Variants in TNR observed in about 807,000 individuals in gnomAD.
TNR encodes tenascin-R.
A neutral mutation model predicts 150.4 loss-of-function variants in TNR; 45 were observed. That is an observed-to-expected ratio of 0.30 (90% CI 0.24 to 0.38). The LOEUF is 0.38. Ranked by LOEUF, TNR falls within the 10% of genes least tolerant of loss-of-function variation. The probability of loss-of-function intolerance (pLI) is 1.00; values close to 1 mark genes in which losing one functional copy is unlikely to be tolerated. For missense variants in TNR, 1,544 were observed against 1,759.1 expected (o/e 0.88, Z 2.19); for synonymous variants, 687 against 678.4 (o/e 1.01, Z -0.20).
intron 1 of TNR, among the ~76,000 whole-genome samples, chr1:175,728,628 T>A (rs1667544074): frequency 6.6e-6 from 1 of 152,232 alleles, no homozygotes; most frequent in African/African-American, 2.4e-5. Flanking sequence ...CCACCTAACC[T>A]ATTAATTCAT....
intron 1 of TNR, among the ~76,000 whole-genome samples, chr1:175,664,681 G>C (rs183496589): frequency 9.2e-5 from 14 of 152,304 alleles, no homozygotes; most frequent in African/African-American, 2.2e-4. Context: ...CACAGGAGAG[G>C]TAAAAGATGT....
Position 175,647,435 on chromosome 1 carries a change from C to CAAAAAAAAAAAAAAAAAAAAAAA in TNR, c.-165+95790_-165+95791insTTTTTTTTTTTTTTTTTTTTTTT, listed in dbSNP as rs397745737. ...AAAATACGCTTGTTACTATTCGGTGCAAAAAAAAAAAAAACCTCATTGTCT... is the reference window on the plus strand; with the variant it reads ...AAAATACGCTTGTTACTATTCGGTGCAAAAAAAAAAAAAAAAAAAAAAAAAAAAAAAAAAAAACCTCATTGTCT... On this transcript the variant is annotated intron_variant, in intron 1 of 22. Transcript: ENST00000367674. Among the ~76,000 whole-genome samples, 64 of 121,644 alleles carry CAAAAAAAAAAAAAAAAAAAAAAA rather than the reference C, an allele frequency of 5.3e-4. 2 individuals are homozygous for CAAAAAAAAAAAAAAAAAAAAAAA. The highest frequency in any genetic ancestry group is 2.0e-3 in the African/African-American group (64 of 32,732). The allele number at this position is 121,644 out of a possible 152,430, so 79.8% of individuals were successfully genotyped here.
At chr1:175,657,883 A>ATATGTGTG (rs1464419575) in intron 1 of TNR, among the ~76,000 whole-genome samples, 34 of 101,096 alleles carry the variant, frequency 3.4e-4, no homozygotes, top group South Asian at 7.2e-4. Context: ...ATATATATAT[A>ATATGTGTG]TGTAACAAAC....
At chr1:175,375,517 T>C (rs1439475390) in intron 9 of TNR, among the ~76,000 whole-genome samples, 2 of 152,008 alleles carry the variant, frequency 1.3e-5, no homozygotes, top group Non-Finnish European at 2.9e-5. Context: ...GCCTGGACTC[T>C]GTGTGGCAGA....
At chr1:175,577,116 C>T (rs910021207) in intron 1 of TNR, among the ~76,000 whole-genome samples, 18 of 152,164 alleles carry the variant, frequency 1.2e-4, no homozygotes, top group African/African-American at 3.6e-4. Context: ...GTTCATGCAG[C>T]GGGGTAAGCA....
chr1:175,624,092 G>A (rs1019342382), intron 1 of TNR, among the ~76,000 whole-genome samples: 1 of 152,240 alleles, frequency 6.6e-6, no homozygotes. Flanking sequence ...CCTTCCCAGT[G>A]TATAGAATTC....
chr1:175,323,825 C>A (rs1265935214), intron 22 of TNR, among the ~76,000 whole-genome samples: 1 of 152,206 alleles, frequency 6.6e-6, no homozygotes. Flanking sequence ...TGACTGCTCA[C>A]TCCTAATGGG....
rs1040359021 is a variant in TNR at position 175,561,984 on chromosome 1, A to G, written c.-164-33615T>C. On this transcript the variant is annotated intron_variant, in intron 1 of 22. Transcript: ENST00000367674. ...CAAGCTCTTTCCCCTTTCTGAAGCA[A>G]ACTTCCAGCCGTGAAATATGAGAAA... Among the ~76,000 whole-genome samples, 12 of 152,264 alleles carry G rather than the reference A, an allele frequency of 7.9e-5. No homozygotes were observed. In the East Asian group the frequency reaches 1.4e-3, roughly 17 times the overall value.
intron 2 of TNR, among the ~76,000 whole-genome samples, chr1:175,495,991 G>T (rs140866891): frequency 6.6e-6 from 1 of 152,090 alleles, no homozygotes; most frequent in African/African-American, 2.4e-5. Context: ...ATTATACTGC[G>T]GGGAGAGCCT....
At chr1:175,644,905 GTTCT>G (rs1664765479) in intron 1 of TNR, among the ~76,000 whole-genome samples, 1 of 151,044 alleles carries the variant, frequency 6.6e-6, no homozygotes, top group Admixed American at 6.6e-5. Context: ...TGTGAAAACT[GTTCT>G]TTCTCTCACT....
At chr1:175,332,092 A>G (rs1015515311) in intron 20 of TNR, among the ~76,000 whole-genome samples, 1 of 152,218 alleles carries the variant, frequency 6.6e-6, no homozygotes, top group Non-Finnish European at 1.5e-5. Flanking sequence ...CCAGGCTGCT[A>G]CAAGTGTTGG....
chr1:175,584,422 C>T (rs1347743556), intron 1 of TNR, among the ~76,000 whole-genome samples: 1 of 152,176 alleles, frequency 6.6e-6, no homozygotes, highest in Admixed American at 6.5e-5. Flanking sequence ...CATGGGCCTG[C>T]TGACACCCTG....
In TNR at chr1:175,365,212, A is replaced by G; in HGVS notation, c.2385T>C (p.Ser795=). Residue 795 remains serine, a synonymous_variant, in exon 12 of 23, where the codon AGT becomes AGC. Transcript: ENST00000367674. ...GTCTGTCTGCTGGGGGAGATGGATC[A>G]CTCCAAGTGATGTTCACACTGGAGG... is the stretch of plus-strand genomic sequence containing the variant. ...VTSSSVNITW[S]DPSPPADRLI... is the part of the protein sequence containing the mutation. 2 of 1,613,952 alleles carry G rather than the reference A, an allele frequency of 1.2e-6. No homozygotes were observed. The highest frequency in any genetic ancestry group is 1.7e-6 in the Non-Finnish European group (2 of 1,179,958).
intron 1 of TNR, among the ~76,000 whole-genome samples, chr1:175,598,117 A>G (rs566093155): frequency 1.7e-4 from 26 of 152,300 alleles, no homozygotes; most frequent in African/African-American, 5.5e-4. Flanking sequence ...AAGGCAAGGG[A>G]CCGTCCTTGC....
chr1:175,385,349 A>T (rs1289719862), intron 8 of TNR, among the ~76,000 whole-genome samples: 1 of 152,130 alleles, frequency 6.6e-6, no homozygotes, highest in African/African-American at 2.4e-5. Context: ...GGCCTTTCCC[A>T]ACTGTTGGCA....
At chr1:175,703,277 G>A (rs554052111) in intron 1 of TNR, among the ~76,000 whole-genome samples, 33 of 152,258 alleles carry the variant, frequency 2.2e-4, no homozygotes, top group Admixed American at 1.9e-3. Flanking sequence ...TTACTGTAAA[G>A]GTTAATAGCT....
At chr1:175,645,422 G>T (rs1260349084) in intron 1 of TNR, among the ~76,000 whole-genome samples, 1 of 152,158 alleles carries the variant, frequency 6.6e-6, no homozygotes, top group Non-Finnish European at 1.5e-5. Context: ...TAGGATCTTT[G>T]TGATTACTTA....
chr1:175,507,272 T>C lies in TNR; in HGVS notation c.-64+20997A>G, dbSNP rs1479372313. On this transcript the variant is annotated intron_variant, in intron 2 of 22. Coordinates refer to ENST00000367674, the MANE Select transcript of TNR (RefSeq NM_003285.3). ...ACCCTCAGTGCCACACGAGATTTCA[T>C]GGGTTGCCTGGGAATCCTGATTTCA... Among the ~76,000 whole-genome samples the C allele has an allele frequency of 5.9e-5, 9 of 152,276 alleles. No individual in the cohort carries two copies. In the East Asian group the frequency reaches 1.7e-3, roughly 29 times the overall value.
At chr1:175,480,884 G>C (rs112464123) in intron 2 of TNR, among the ~76,000 whole-genome samples, 1,781 of 152,066 alleles carry the variant, frequency 0.012, 38 homozygotes, top group African/African-American at 0.04. Flanking sequence ...GCATATCCTA[G>C]ATCACTTCTT....
Sources: gnomAD v4.1 joint callset for allele counts (sites outside exome capture counted in the v4.1 genomes callset) on GRCh38, gnomAD v4.1.1 for gene constraint, MANE v1.5 for transcripts, NCBI Gene and HGNC (gene_info 2026-07-23, HGNC 2026-07-21) for gene names.